CLDN10: variants seen among roughly 807,000 people sequenced by gnomAD.
CLDN10 encodes the protein claudin 10.
In CLDN10, 15 loss-of-function variants were observed where a neutral mutation model predicts 22.9. The ratio of observed to expected loss-of-function variants is 0.65; its 90% confidence interval spans 0.44 to 1.01. The LOEUF (loss-of-function observed/expected upper bound fraction) is 1.01, where lower values mean the gene tolerates loss of function less well. Among genes scored for constraint, CLDN10 ranks in the 50% least tolerant of loss-of-function variants. CLDN10 has a pLI of 0.00. For missense variants in CLDN10, 247 were observed against 287.8 expected, an observed-to-expected ratio of 0.86 and a Z score of 1.03; for synonymous variants, 114 against 111.4, an observed-to-expected ratio of 1.02 and a Z score of -0.15.
intron 1 of CLDN10, among the ~76,000 whole-genome samples, chr13:95,540,068 G>A (rs2043443053): frequency 6.6e-6 from 1 of 152,144 alleles, no homozygotes; most frequent in Admixed American, 6.5e-5. Flanking sequence ...GGGAGGCCGA[G>A]GTGGGTGGAT....
intron 1 of CLDN10, among the ~76,000 whole-genome samples, chr13:95,480,458 T>C (rs2042734165): frequency 6.6e-6 from 1 of 152,140 alleles, no homozygotes; most frequent in African/African-American, 2.4e-5. Flanking sequence ...GGAAGAGAGA[T>C]AATGAGAGAA....
At chr13:95,491,783 A>AC (rs1210727133) in intron 1 of CLDN10, among the ~76,000 whole-genome samples, 5 of 152,012 alleles carry the variant, frequency 3.3e-5, no homozygotes, top group African/African-American at 1.2e-4. Context: ...GCTCCTTCTC[A>AC]CTTGGATAGG....
At chr13:95,436,276 C>A (rs375074639) in intron 1 of CLDN10, among the ~76,000 whole-genome samples, 1 of 152,022 alleles carries the variant, frequency 6.6e-6, no homozygotes, top group South Asian at 2.1e-4. Flanking sequence ...CTCCACCTCC[C>A]GGGTTCAAGT....
intron 1 of CLDN10, among the ~76,000 whole-genome samples, chr13:95,482,901 C>T (rs1333064345): frequency 6.6e-6 from 1 of 152,216 alleles, no homozygotes; most frequent in Non-Finnish European, 1.5e-5. Context: ...ATCTCTTGAA[C>T]CCAGGAGGCA....
At chr13:95,481,292 C>A (rs1226579008) in intron 1 of CLDN10, among the ~76,000 whole-genome samples, 1 of 152,172 alleles carries the variant, frequency 6.6e-6, no homozygotes, top group Non-Finnish European at 1.5e-5. Flanking sequence ...ACCTTGCCTG[C>A]ACTGAGGGGA....
chr13:95,478,607 C>T (rs1218461298), intron 1 of CLDN10, among the ~76,000 whole-genome samples: 1 of 152,168 alleles, frequency 6.6e-6, no homozygotes, highest in Non-Finnish European at 1.5e-5. Flanking sequence ...CGCCTAGGAT[C>T]CTTCTCCCCT....
chr13:95,552,101 C>T (rs2043572425), upstream of CLDN10, among the ~76,000 whole-genome samples: 1 of 152,214 alleles, frequency 6.6e-6, no homozygotes, highest in Non-Finnish European at 1.5e-5. Context: ...GTGCCACGCA[C>T]CGTTTTGCCA....
chr13:95,576,554 C>T (rs1050317549), intron 3 of CLDN10, among the ~76,000 whole-genome samples: 4 of 152,148 alleles, frequency 2.6e-5, no homozygotes, highest in African/African-American at 4.8e-5. Context: ...TCCTCTAGTC[C>T]GCTACTGCAA....
chr13:95,565,985 A>G (rs1594617723), intron 3 of CLDN10, among the ~76,000 whole-genome samples: 1 of 152,262 alleles, frequency 6.6e-6, no homozygotes, highest in East Asian at 1.9e-4. Context: ...ATAGTATTCC[A>G]TGGTGTATAT....
chr13:95,456,220 A>G (rs2042480610), intron 1 of CLDN10, among the ~76,000 whole-genome samples: 1 of 152,202 alleles, frequency 6.6e-6, no homozygotes, highest in Non-Finnish European at 1.5e-5. Flanking sequence ...CTATCTGCAC[A>G]TCCAAGTAAA....
At position 95,525,194 on chromosome 13, in the gene CLDN10, G is replaced by A. The variant is rs138790954; in HGVS notation, c.215-34938G>A. ...TTTTAAATTAAAGCTATCTTAGTAT[G>A]TTTGAAATGGTAACTCATTATTATT... On this transcript the variant is annotated intron_variant, in intron 1 of 4. Coordinates refer to the CLDN10 transcript ENST00000376873. 2.7e-4 allele frequency among the ~76,000 whole-genome samples: 41 copies of A among 152,164 alleles called. No homozygotes were observed. The East Asian group carries it at 7.9e-3, about 29-fold the overall frequency.
At chr13:95,500,179 T>C (rs73545004) in intron 1 of CLDN10, among the ~76,000 whole-genome samples, 1,431 of 136,810 alleles carry the variant, frequency 0.01, 30 homozygotes, top group African/African-American at 0.034. Flanking sequence ...AGGCTCCCCA[T>C]TCTCCTAGAG....
intron 1 of CLDN10, among the ~76,000 whole-genome samples, chr13:95,470,236 G>A (rs891674804): frequency 6.6e-6 from 1 of 152,146 alleles, no homozygotes; most frequent in African/African-American, 2.4e-5. Context: ...ATGACATCTG[G>A]TGTCCTTGTC....
At chr13:95,477,399 G>C (rs115884461) in intron 1 of CLDN10, among the ~76,000 whole-genome samples, 1,747 of 152,252 alleles carry the variant, frequency 0.011, 24 homozygotes, top group African/African-American at 0.04. Context: ...TGGAGTGTGA[G>C]AGCCAGATAA....
intron 2 of CLDN10, 37 bp downstream of exon 2, chr13:95,560,330 G>A: frequency 6.2e-7 from 1 of 1,613,326 alleles, no homozygotes; most frequent in Non-Finnish European, 8.5e-7. Flanking sequence ...GGTACTTGAT[G>A]ATGTTAATGA....
At chr13:95,576,987 G>T (rs1470681233) in intron 3 of CLDN10, among the ~76,000 whole-genome samples, 4 of 152,176 alleles carry the variant, frequency 2.6e-5, no homozygotes, top group Non-Finnish European at 4.4e-5. Context: ...GACTACTTTT[G>T]CTTTGACTTT....
At chr13:95,474,919 C>T (rs142634730) in intron 1 of CLDN10, among the ~76,000 whole-genome samples, 284 of 151,890 alleles carry the variant, frequency 1.9e-3, no homozygotes, top group Admixed American at 3.7e-3. Context: ...CCAGAAGAGG[C>T]GGTGGGTGGA....
Position 95,552,829 on chromosome 13 carries a change from C to A in CLDN10, c.76C>A (p.Pro26Thr), listed in dbSNP as rs370647506. 236 of 1,613,892 alleles carry A rather than the reference C, an allele frequency of 1.5e-4. No individual in the cohort carries two copies. The highest frequency in any genetic ancestry group is 1.9e-4 in the Non-Finnish European group (230 of 1,179,970). The stretch of plus-strand genomic sequence containing the variant: ...CTGGGTACTGGTGTCCTCCACGCTG[C>A]CCACCGACTACTGGAAGGTGTCTAC... Reference protein sequence around the residue: ...SGWVLVSSTLPTDYWKVSTID... With the variant: ...SGWVLVSSTLTTDYWKVSTID... Residue 26 changes from proline to threonine, a missense_variant, in exon 1 of 5, where the codon CCC (proline) becomes ACC (threonine). By Grantham distance (38) the Pro-to-Thr change is conservative. Transcript: ENST00000299339.
chr13:95,453,854 C>T (rs1268327327), intron 1 of CLDN10, among the ~76,000 whole-genome samples: 3 of 152,158 alleles, frequency 2.0e-5, no homozygotes, highest in Non-Finnish European at 2.9e-5. Context: ...GTGGCTTACA[C>T]CTGTAATCCC....
Sources: gnomAD v4.1 joint callset for allele counts (sites outside exome capture counted in the v4.1 genomes callset) on GRCh38, gnomAD v4.1.1 for gene constraint, MANE v1.5 for transcripts, NCBI Gene and HGNC (gene_info 2026-07-23, HGNC 2026-07-21) for gene names.